The following RBFOX1 variants were observed in gnomAD, a reference collection of about 807,000 sequenced individuals.
RBFOX1 encodes the protein RNA binding protein fox-1 homolog 1.
In RBFOX1, 8 loss-of-function variants were observed where a neutral mutation model predicts 57.7. The observed-to-expected ratio is 0.14, with a 90% CI of 0.08 to 0.25. The LOEUF is 0.25. RBFOX1 is among the 10% of genes least tolerant of loss of function. The pLI is 1.00. For synonymous variants in RBFOX1, 326 were observed against 222.4 expected, an observed-to-expected ratio of 1.47 and a Z score of -4.15; for missense variants, 611 against 548.5, an observed-to-expected ratio of 1.11 and a Z score of -1.14.
At chr16:5,977,852 T>G (rs752940370) in intron 4 of RBFOX1, among the ~76,000 whole-genome samples, 1 of 152,182 alleles carries the variant, frequency 6.6e-6, no homozygotes, top group South Asian at 2.1e-4. Flanking sequence ...CTTTTTTGGC[T>G]TTTTGAGTCG....
intron 3 of RBFOX1, among the ~76,000 whole-genome samples, chr16:5,646,522 A>G (rs2151346588): frequency 6.6e-6 from 1 of 152,306 alleles, no homozygotes; most frequent in Non-Finnish European, 1.5e-5. Flanking sequence ...TTGTGTATGT[A>G]GGATGTGCAG....
intron 3 of RBFOX1, among the ~76,000 whole-genome samples, chr16:5,700,980 G>T (rs980712817): frequency 6.6e-6 from 1 of 152,182 alleles, no homozygotes; most frequent in African/African-American, 2.4e-5. Context: ...ACTTCCAAAA[G>T]GTAGAATGAC....
rs144968907 is a variant in RBFOX1, at chr16:5,646,925, G to A, written c.318+47964G>A. On this transcript the variant is annotated intron_variant, in intron 3 of 19. Coordinates refer to the RBFOX1 transcript ENST00000641259. ...TGATATTACAGGCGTGAGCCACCAC[G>A]CCCAGCCAGGAAGACCCTCTTGATG... is the stretch of plus-strand genomic sequence containing the variant. Among the ~76,000 whole-genome samples, 547 of 152,290 alleles carry A rather than the reference G, an allele frequency of 3.6e-3. 5 individuals carry two copies. The highest frequency in any genetic ancestry group is 0.012 in the African/African-American group (503 of 41,562).
At chr16:5,363,453 C>G (rs1340723593) in intron 1 of RBFOX1, among the ~76,000 whole-genome samples, 1 of 152,198 alleles carries the variant, frequency 6.6e-6, no homozygotes. Context: ...TATCCTCCTT[C>G]TCTAGCTTCA....
chr16:6,429,688 G>A (rs904673816), intron 2 of RBFOX1, among the ~76,000 whole-genome samples: 3 of 152,178 alleles, frequency 2.0e-5, no homozygotes, highest in African/African-American at 7.2e-5. Flanking sequence ...GAGTGAATAA[G>A]TCTCATGAGA....
chr16:7,405,506 T>C (rs1263449441), intron 4 of RBFOX1, among the ~76,000 whole-genome samples: 6 of 152,146 alleles, frequency 3.9e-5, no homozygotes, highest in Admixed American at 3.9e-4. Flanking sequence ...ATTAAATGAG[T>C]TATGCTGACC....
chr16:6,946,937 C>G (rs976328965), intron 3 of RBFOX1, among the ~76,000 whole-genome samples: 1 of 152,128 alleles, frequency 6.6e-6, no homozygotes, highest in African/African-American at 2.4e-5. Context: ...TGTTATTTGG[C>G]TTTATGTTTG....
Position 6,684,964 on chromosome 16 carries a change from T to C in RBFOX1, c.-16+30314T>C, listed in dbSNP as rs1171234369. On this transcript the variant is annotated intron_variant, in intron 3 of 15. Coordinates refer to ENST00000550418, the MANE Select transcript of RBFOX1 (RefSeq NM_018723.4). ...TAGGGTGATCTTCAATTAATCTCTT[T>C]GGCAGGTTGTATTAGTAACATTTTA... 2.0e-5 allele frequency among the ~76,000 whole-genome samples: 3 copies of C among 152,146 alleles called. No homozygotes were observed. In the East Asian group the frequency reaches 5.8e-4, roughly 29 times the overall value.
intron 5 of RBFOX1, among the ~76,000 whole-genome samples, chr16:7,563,704 G>A (rs1444130199): frequency 2.0e-5 from 3 of 152,090 alleles, no homozygotes; most frequent in Non-Finnish European, 2.9e-5. Context: ...TCCTGACCTC[G>A]TGATCCACCC....
chr16:5,263,125 G>T (rs544041298), intron 1 of RBFOX1, among the ~76,000 whole-genome samples: 114 of 152,168 alleles, frequency 7.5e-4, no homozygotes, highest in Non-Finnish European at 1.3e-4. Context: ...ATTCTAATTG[G>T]GCTTCTGCTA....
chr16:7,496,202 G>C (rs1158161470), intron 4 of RBFOX1, among the ~76,000 whole-genome samples: 2 of 152,164 alleles, frequency 1.3e-5, no homozygotes, highest in African/African-American at 2.4e-5. Flanking sequence ...GGAGTACAGT[G>C]GCATGATCTC....
intron 4 of RBFOX1, among the ~76,000 whole-genome samples, chr16:7,273,204 CCCTTCCTTCCTTCCTTCCTTCCTT>C (rs545705118): frequency 2.6e-4 from 9 of 35,170 alleles, no homozygotes; most frequent in African/African-American, 4.0e-4. Flanking sequence ...CTTCCTCCCT[CCCTTCCTTCCTTCCTTCCTTCCTT>C]CCTTCCTTCC....
chr16:7,139,783 G>A (rs1393507644), intron 4 of RBFOX1, among the ~76,000 whole-genome samples: 1 of 152,068 alleles, frequency 6.6e-6, no homozygotes, highest in African/African-American at 2.4e-5. Context: ...GTTCATCGGT[G>A]AGCTTTCAGG....
intron 1 of RBFOX1, among the ~76,000 whole-genome samples, chr16:5,383,732 G>GT (rs2066188548): frequency 6.6e-6 from 1 of 152,156 alleles, no homozygotes; most frequent in Admixed American, 6.5e-5. Context: ...GTTAGACATT[G>GT]TTTTTTATTA....
chr16:7,125,717 T>G (rs1005395179), intron 4 of RBFOX1, among the ~76,000 whole-genome samples: 1 of 152,272 alleles, frequency 6.6e-6, no homozygotes, highest in East Asian at 1.9e-4. Context: ...GACAGATGCC[T>G]AAACTCCCTT....
At chr16:5,710,254 G>C (rs1250505036) in intron 3 of RBFOX1, among the ~76,000 whole-genome samples, 2 of 152,250 alleles carry the variant, frequency 1.3e-5, no homozygotes, top group African/African-American at 2.4e-5. Context: ...TTGTGGATCA[G>C]GTAACCCAAT....
rs576765178 is a variant in RBFOX1 at position 5,827,140 on chromosome 16, G to A, written c.319-40163G>A. ...GAACAGGCCAGGCACTGTGGCTCAT[G>A]CCTGTAATCCCAGCACTCTAGGAGG... On this transcript the variant is annotated intron_variant, in intron 3 of 19. Coordinates refer to the RBFOX1 transcript ENST00000641259. Among the ~76,000 whole-genome samples the A allele has an allele frequency of 4.6e-5, 7 of 152,208 alleles. No homozygotes were observed. In the South Asian group the frequency reaches 1.5e-3, roughly 32 times the overall value.
At chr16:7,216,686 A>G (rs532438661) in intron 4 of RBFOX1, among the ~76,000 whole-genome samples, 1 of 152,168 alleles carries the variant, frequency 6.6e-6, no homozygotes, top group Non-Finnish European at 1.5e-5. Flanking sequence ...AAACCCACAA[A>G]CAAACCGAGA....
chr16:7,510,471 G>GTGTGTGTA (rs2074731282), intron 4 of RBFOX1, among the ~76,000 whole-genome samples: 1 of 132,308 alleles, frequency 7.6e-6, no homozygotes, highest in Non-Finnish European at 1.6e-5. Flanking sequence ...AAGAGAGTGT[G>GTGTGTGTA]TGTGTGTATG....
Sources: allele counts gnomAD v4.1 joint callset (sites outside exome capture counted in the v4.1 genomes callset), GRCh38; gene constraint gnomAD v4.1.1; transcripts MANE v1.5; gene names NCBI Gene and HGNC (gene_info 2026-07-23, HGNC 2026-07-21).